The following ARL2BP variants were observed in gnomAD, a reference collection of about 807,000 sequenced individuals.
ARL2BP encodes ADP-ribosylation factor-like protein 2-binding protein.
Under a neutral mutation model 24.2 loss-of-function variants are expected in ARL2BP, and 19 were observed. The observed-to-expected ratio is 0.79, with a 90% CI of 0.55 to 1.15. The LOEUF is 1.15. ARL2BP is among the 50% of genes most tolerant of loss of function. ARL2BP has a pLI of 0.00. For missense variants in ARL2BP, 160 were observed against 190.4 expected, an observed-to-expected ratio of 0.84 and a Z score of 0.94; for synonymous variants, 56 against 70.5, an observed-to-expected ratio of 0.79 and a Z score of 1.03.
Position 57,253,517 on chromosome 16 carries a change from C to T in ARL2BP, c.*1250C>T, listed in dbSNP as rs1032689039. 2 of 151,652 alleles carry T rather than the reference C, an allele frequency of 1.3e-5. No homozygotes were observed. Among genetic ancestry groups the T allele is most frequent in the Non-Finnish European group, 2.9e-5 (2 of 67,956 alleles). 9.4% of individuals were successfully genotyped at this position (151,652 alleles called of 1,614,324 possible). On this transcript the variant is annotated 3_prime_UTR_variant, in exon 6 of 6. Coordinates refer to ENST00000219204, the MANE Select transcript of ARL2BP (RefSeq NM_012106.4). ...AATCTGTACTGACTTTTCACTTGGC[C>T]ATTCTGGTTTTAAAGGACAAGCTAC...
rs777490770 is a variant in ARL2BP at position 57,248,580 on chromosome 16, C to G, written c.144C>G (p.Tyr48Ter). The G allele has an allele frequency of 6.2e-7, 1 of 1,606,256 alleles. No individual in the cohort carries two copies. The highest frequency in any genetic ancestry group is 1.1e-5 in the South Asian group (1 of 89,186). The change falls in exon 3 of 6, where the codon TAC becomes TAG. Residue 48 changes from tyrosine (Y) to a stop codon, truncating the protein, a stop_gained. Coordinates refer to ENST00000219204, the MANE Select transcript of ARL2BP (RefSeq NM_012106.4). LOFTEE classifies it high-confidence loss of function. ...TACAGAGAAATTTCATGGACAAGTA[C>G]TACCTGGAGTTTGAAGACACAGAAG... The part of the protein sequence containing the change: ...QLLQRNFMDK[Y>*]YLEFEDTEEN...
chr16:57,245,898 AGT>A, intron 1 of ARL2BP, 180 bp from the exon 2 acceptor site: 1 of 636,680 alleles, frequency 1.6e-6, no homozygotes, highest in South Asian at 1.9e-5. Context: ...AAACGTGCCG[AGT>A]GTGTTTTCTT....
Position 57,249,833 on chromosome 16 carries a change from G to T in ARL2BP, c.274G>T (p.Ala92Ser), listed in dbSNP as rs764813306. 5.0e-6 allele frequency: 8 copies of T among 1,614,148 alleles called. No homozygotes were observed. Among genetic ancestry groups the T allele is most frequent in the African/African-American group, 1.3e-5 (1 of 75,068 alleles). ...GCGGATTCCTGAGTTCAACATGGCA[G>T]CCTTCACCACAACATTACAGTGAGT... ...LQRIPEFNMA[A>S]FTTTLQHHKD... Residue 92 changes from alanine to serine, a missense_variant, in exon 4 of 6, where the codon GCC (alanine) becomes TCC (serine). Coordinates refer to ENST00000219204, the MANE Select transcript of ARL2BP (RefSeq NM_012106.4).
At chr16:57,250,781 A>ATTT in intron 5 of ARL2BP, 1 of 335,690 alleles carries the variant, frequency 3.0e-6, no homozygotes, top group African/African-American at 2.2e-5. Flanking sequence ...TCTTTTATTT[A>ATTT]TTTTTTTTTT....
chr16:57,249,576 C>T, intron 3 of ARL2BP, 191 bp from the exon 4 acceptor site: 2 of 591,698 alleles, frequency 3.4e-6, no homozygotes, highest in South Asian at 2.0e-5. Flanking sequence ...TAAGGCTTCT[C>T]TTCCACACCA....
chr16:57,249,839 A>C lies in ARL2BP; in HGVS notation c.280A>C (p.Thr94Pro). ...RIPEFNMAAF[T>P]TTLQHHKDEV... The stretch of plus-strand genomic sequence containing the variant: ...TCCTGAGTTCAACATGGCAGCCTTC[A>C]CCACAACATTACAGTGAGTTGAGCT... Residue 94 changes from threonine to proline, a missense_variant, in exon 4 of 6, where the codon ACC becomes CCC. Physicochemically the swap from Thr to Pro is conservative, Grantham distance 38. Coordinates refer to ENST00000219204, the MANE Select transcript of ARL2BP (RefSeq NM_012106.4). The C allele has an allele frequency of 6.2e-7, 1 of 1,614,146 alleles. No individual in the cohort carries two copies. The highest frequency in any genetic ancestry group is 1.3e-5 in the African/African-American group (1 of 75,058).
chr16:57,245,373 C>A lies in ARL2BP; in HGVS notation c.6C>A (p.Asp2Glu), dbSNP rs372559396. Residue 2 changes from aspartate (D) to glutamate (E), a missense_variant, in exon 1 of 6, where the codon GAC becomes GAA. Transcript: ENST00000219204. ...GCCTACTCGGGGCGACTGCGATGGA[C>A]GCCTTAGAAGGAGAGAGCTTTGCGC... The part of the protein sequence containing the change: M[D>E]ALEGESFALS... 1.6e-5 allele frequency: 26 copies of A among 1,607,128 alleles called. No homozygotes were observed. Among genetic ancestry groups the A allele is most frequent in the African/African-American group, 1.5e-4 (11 of 75,014 alleles).
chr16:57,252,789 G>A lies in ARL2BP; in HGVS notation c.*522G>A, dbSNP rs780365392. 8.0e-5 allele frequency: 13 copies of A among 161,778 alleles called. No homozygotes were observed. The highest frequency in any genetic ancestry group is 1.5e-4 in the Non-Finnish European group (11 of 72,776). The allele number at this position is 161,778 out of a possible 1,614,324, so 10.0% of individuals were successfully genotyped here. A position where few individuals can be genotyped will look rare whatever the true frequency, so the allele number is the denominator to read the frequency against. On this transcript the variant is annotated 3_prime_UTR_variant, in exon 6 of 6. Coordinates refer to ENST00000219204, the MANE Select transcript of ARL2BP (RefSeq NM_012106.4). The stretch of plus-strand genomic sequence containing the variant: ...GTCTCCTGTGATCACATCTTGTCTC[G>A]GCTGTAGGAATCAACAGAAGGAGAC...
chr16:57,249,661 G>C (rs2075401247), intron 3 of ARL2BP, 106 bp from the exon 4 acceptor site: 1 of 860,016 alleles, frequency 1.2e-6, no homozygotes, highest in Non-Finnish European at 1.9e-6. Flanking sequence ...GTAGATTGTG[G>C]CACACAGACC....
intron 2 of ARL2BP, 197 bp from the exon 3 acceptor site, chr16:57,248,337 GAAA>G: frequency 7.0e-6 from 1 of 141,870 alleles, no homozygotes; most frequent in Non-Finnish European, 1.4e-5. Context: ...AAAAAAAAAA[GAAA>G]GAAAGAAAAA....
At chr16:57,248,397 AC>A (rs1269422647) in intron 2 of ARL2BP, 139 bp from the exon 3 acceptor site, 11 of 440,926 alleles carry the variant, frequency 2.5e-5, no homozygotes, top group Non-Finnish European at 4.6e-5. Flanking sequence ...CCCATTTAAT[AC>A]CCCCTTAAAA....
Position 57,249,773 on chromosome 16 carries a change from T to C in ARL2BP, c.214T>C (p.Leu72=), listed in dbSNP as rs775376383. Residue 72 remains leucine (L), a synonymous_variant, in exon 4 of 6, where the codon TTG becomes CTG. Coordinates refer to ENST00000219204, the MANE Select transcript of ARL2BP (RefSeq NM_012106.4). ...YTPIFNEYIS[L]VEKYIEEQLL... Reference sequence around the variant, plus strand: ...ATCCTTTCCACTGTTGCAGATTTCTTTGGTAGAAAAATACATTGAAGAACA... The same window carrying C: ...ATCCTTTCCACTGTTGCAGATTTCTCTGGTAGAAAAATACATTGAAGAACA... The C allele has an allele frequency of 3.7e-6, 6 of 1,614,138 alleles. No homozygotes were observed. In the East Asian group the frequency reaches 1.1e-4, roughly 30 times the overall value.
Position 57,250,489 on chromosome 16 carries a change from GT to G in ARL2BP, c.377del (p.Leu126TrpfsTer14). The G allele has an allele frequency of 1.2e-6, 2 of 1,614,114 alleles. No homozygotes were observed. Among genetic ancestry groups the G allele is most frequent in the Non-Finnish European group, 1.7e-6 (2 of 1,179,962 alleles). ...CAGATTTTCTGGCTTTTAAAGAAAT[GT>G]TTTTGGACTACAGAGCAGTAAGTTA... is the stretch of plus-strand genomic sequence containing the variant. ...FTDFLAFKEM[F>X]LDYRAEKEGR... On this transcript the variant is annotated frameshift_variant, in exon 5 of 6. Transcript: ENST00000219204. LOFTEE classifies it high-confidence loss of function.
intron 3 of ARL2BP, 120 bp from the exon 4 acceptor site, chr16:57,249,647 C>A (rs898630661): frequency 2.6e-6 from 2 of 754,800 alleles, no homozygotes; most frequent in Non-Finnish European, 2.3e-6. Context: ...CCTTGGCACT[C>A]AGTGTAGATT....
intron 3 of ARL2BP, chr16:57,249,472 T>A: frequency 2.7e-6 from 1 of 370,286 alleles, no homozygotes; most frequent in Non-Finnish European, 5.0e-6. Flanking sequence ...CCCCACTTAC[T>A]GCATCCTGCA....
chr16:57,251,400 CAAAA>C (rs202213377), intron 5 of ARL2BP: 2 of 125,078 alleles, frequency 1.6e-5, no homozygotes, highest in South Asian at 2.5e-4. Context: ...GACCCTGTGT[CAAAA>C]AAAAAAAAAG....
chr16:57,245,309 C>T lies in ARL2BP; in HGVS notation c.-59C>T. ...AGAGGCCTTAACCCCGCCGGGCGGC[C>T]GCGCCCTGCATGCGAGTTGGGCCGC... On this transcript the variant is annotated 5_prime_UTR_variant, in exon 1 of 6. Coordinates refer to ENST00000219204, the MANE Select transcript of ARL2BP (RefSeq NM_012106.4). 2 of 1,575,120 alleles carry T rather than the reference C, an allele frequency of 1.3e-6. No individual in the cohort carries two copies. Among genetic ancestry groups the T allele is most frequent in the Non-Finnish European group, 1.7e-6 (2 of 1,160,996 alleles).
At position 57,250,389 on chromosome 16, in the gene ARL2BP, C is replaced by T. The variant is rs772506259; in HGVS notation, c.294-22C>T. The T allele has an allele frequency of 1.0e-5, 16 of 1,605,186 alleles. No homozygotes were observed. In the South Asian group the frequency reaches 1.2e-4, roughly 12 times the overall value. Reference sequence around the variant, plus strand: ...ACTGTCTCATCATTCATTCACGAAACAGCCATCTGTTCCGTTTGCAGGCAC... The same window carrying T: ...ACTGTCTCATCATTCATTCACGAAATAGCCATCTGTTCCGTTTGCAGGCAC... On this transcript the variant is annotated intron_variant, in intron 4 of 5. Transcript: ENST00000219204.
intron 3 of ARL2BP, chr16:57,249,058 G>A (rs2075399570): frequency 6.5e-6 from 1 of 152,892 alleles, no homozygotes. Context: ...TCATAATCCT[G>A]CTTTTAATCA....
Sources: gnomAD v4.1 joint callset for allele counts on GRCh38, gnomAD v4.1.1 for gene constraint, MANE v1.5 for transcripts, NCBI Gene and HGNC (gene_info 2026-07-23, HGNC 2026-07-21) for gene names.